COL25A1: variants seen among roughly 807,000 people sequenced by gnomAD.
COL25A1 encodes collagen alpha-1(XXV) chain.
Under a neutral mutation model 128.4 loss-of-function variants are expected in COL25A1, and 103 were observed. The ratio of observed to expected loss-of-function variants is 0.80; its 90% CI spans 0.68 to 0.94. The LOEUF (loss-of-function observed/expected upper bound fraction) is 0.94, where lower values mean the gene tolerates loss of function less well. COL25A1 is among the 40% of genes least tolerant of loss of function. The pLI is 0.00. For synonymous variants in COL25A1, 279 were observed against 277.2 expected, an observed-to-expected ratio of 1.01 and a Z score of -0.06; for missense variants, 745 against 840.0, an observed-to-expected ratio of 0.89 and a Z score of 1.40.
chr4:109,064,123 G>C (rs530168910), intron 3 of COL25A1, among the ~76,000 whole-genome samples: 1 of 152,164 alleles, frequency 6.6e-6, no homozygotes, highest in South Asian at 2.1e-4. Flanking sequence ...TTATAGAATA[G>C]AAAATCGGTG....
chr4:109,186,239 A>G (rs867297305), intron 3 of COL25A1, among the ~76,000 whole-genome samples: 1 of 152,214 alleles, frequency 6.6e-6, no homozygotes, highest in African/African-American at 2.4e-5. Flanking sequence ...TCTTCTTGGT[A>G]AATTGAGAGA....
chr4:108,875,740 C>T (rs1253879714), intron 19 of COL25A1, among the ~76,000 whole-genome samples: 1 of 152,166 alleles, frequency 6.6e-6, no homozygotes, highest in African/African-American at 2.4e-5. Flanking sequence ...ATAAATCATG[C>T]TACTATAAAG....
intron 13 of COL25A1, among the ~76,000 whole-genome samples, chr4:108,901,566 T>C (rs1051757797): frequency 2.0e-5 from 3 of 152,136 alleles, no homozygotes; most frequent in Non-Finnish European, 2.9e-5. Flanking sequence ...AATAAATCAT[T>C]CTGTTCTCAC....
chr4:109,122,767 A>G (rs376369710), intron 3 of COL25A1, among the ~76,000 whole-genome samples: 5 of 152,234 alleles, frequency 3.3e-5, no homozygotes, highest in African/African-American at 1.2e-4. Flanking sequence ...GATATAACCA[A>G]AAGTATATTT....
At chr4:109,113,189 T>A (rs1388294050) in intron 3 of COL25A1, among the ~76,000 whole-genome samples, 1 of 152,082 alleles carries the variant, frequency 6.6e-6, no homozygotes, top group Non-Finnish European at 1.5e-5. Flanking sequence ...GGGAAAAAAA[T>A]GTCTCTCAAC....
chr4:109,149,716 A>G lies in COL25A1; in HGVS notation c.368-99537T>C, dbSNP rs568513209. On this transcript the variant is annotated intron_variant, in intron 3 of 37. Coordinates refer to ENST00000399132, the MANE Select transcript of COL25A1 (RefSeq NM_198721.4). ...ACAGTGCTACTTGTATTTTATTTGC[A>G]GCTTCTTTCTTAAACAATTGGAATG... 2.6e-5 allele frequency among the ~76,000 whole-genome samples: 4 copies of G among 152,312 alleles called. No individual in the cohort carries two copies. The South Asian group carries it at 8.3e-4, about 32-fold the overall frequency.
At chr4:109,108,778 C>G (rs1579392821) in intron 3 of COL25A1, among the ~76,000 whole-genome samples, 2 of 151,842 alleles carry the variant, frequency 1.3e-5, no homozygotes, top group Admixed American at 1.3e-4. Flanking sequence ...ATTTTTTTAG[C>G]AATAAAGTAT....
intron 11 of COL25A1, among the ~76,000 whole-genome samples, chr4:108,936,544 G>A (rs1185266548): frequency 1.3e-5 from 2 of 152,094 alleles, no homozygotes; most frequent in Non-Finnish European, 2.9e-5. Flanking sequence ...TCCAGCCTGG[G>A]TGACAGAGCA....
chr4:109,279,813 C>A lies in COL25A1; in HGVS notation c.367+20770G>T, dbSNP rs890127681. 1.4e-4 allele frequency among the ~76,000 whole-genome samples: 21 copies of A among 152,242 alleles called. 1 individual carries two copies. The South Asian group carries it at 4.4e-3, about 32-fold the overall frequency. ...TTTATTCTACTATGTATCTACATTT[C>A]CTTTTTCTCCAGCATCCTGGAGCTT... On this transcript the variant is annotated intron_variant, in intron 3 of 37. Coordinates refer to ENST00000399132, the MANE Select transcript of COL25A1 (RefSeq NM_198721.4).
At chr4:109,193,626 C>A (rs1314810925) in intron 3 of COL25A1, among the ~76,000 whole-genome samples, 1 of 152,142 alleles carries the variant, frequency 6.6e-6, no homozygotes, top group Admixed American at 6.6e-5. Context: ...GATTTCATCA[C>A]CACCTCTTCT....
In COL25A1 at chr4:108,835,843, T is replaced by C. The variant is rs183440457; in HGVS notation, c.1657-3410A>G. Among the ~76,000 whole-genome samples the C allele has an allele frequency of 7.0e-3, 996 of 142,308 alleles. 9 individuals are homozygous for C. Among genetic ancestry groups the C allele is most frequent in the African/African-American group, 0.024 (953 of 39,384 alleles). The allele number at this position is 142,308 out of a possible 152,430, so 93.4% of individuals were successfully genotyped here. On this transcript the variant is annotated intron_variant, in intron 31 of 37. Transcript: ENST00000399132. ...CTGGGATTACAGGTGTGAGCCACAG[T>C]GCCCGGCTTACATACGTCTTTTTTT...
intron 5 of COL25A1, among the ~76,000 whole-genome samples, chr4:109,030,908 T>C (rs1161048596): frequency 6.6e-6 from 1 of 151,540 alleles, no homozygotes; most frequent in African/African-American, 2.4e-5. Context: ...CTGGCTAACG[T>C]TTTGTATTTG....
At chr4:108,862,616 A>G in intron 21 of COL25A1, 71 bp from the exon 22 acceptor site, 2 of 1,283,296 alleles carry the variant, frequency 1.6e-6, no homozygotes, top group Non-Finnish European at 2.3e-6. Context: ...AATAGAAATT[A>G]GCAGTGACTC....
intron 6 of COL25A1, among the ~76,000 whole-genome samples, chr4:109,006,968 T>C (rs540237786): frequency 4.6e-5 from 7 of 152,170 alleles, no homozygotes; most frequent in Non-Finnish European, 1.0e-4. Context: ...GCTTAATACC[T>C]GGGTGATCAG....
chr4:109,061,319 T>C (rs1307537909), intron 3 of COL25A1, among the ~76,000 whole-genome samples: 1 of 152,226 alleles, frequency 6.6e-6, no homozygotes, highest in African/African-American at 2.4e-5. Context: ...ATAGAAATTC[T>C]GCCTTCTTCA....
intron 3 of COL25A1, among the ~76,000 whole-genome samples, chr4:109,128,361 T>G (rs1316868794): frequency 6.6e-6 from 1 of 152,228 alleles, no homozygotes. Flanking sequence ...CATTCTTTTC[T>G]GCCAATCTCA....
At chr4:109,015,359 G>A (rs1271555207) in intron 5 of COL25A1, among the ~76,000 whole-genome samples, 1 of 152,194 alleles carries the variant, frequency 6.6e-6, no homozygotes, top group East Asian at 1.9e-4. Flanking sequence ...ACCTGAATGA[G>A]TAGTTGTAAA....
At chr4:109,280,416 AT>A (rs1267891268) in intron 3 of COL25A1, among the ~76,000 whole-genome samples, 1 of 152,246 alleles carries the variant, frequency 6.6e-6, no homozygotes, top group East Asian at 1.9e-4. Flanking sequence ...GACAAGTGAA[AT>A]AACACCATGC....
intron 3 of COL25A1, among the ~76,000 whole-genome samples, chr4:109,273,946 C>T (rs1782370166): frequency 6.6e-6 from 1 of 152,054 alleles, no homozygotes; most frequent in African/African-American, 2.4e-5. Context: ...GTTGTTACTG[C>T]CCTTTCATAG....
Sources: allele counts gnomAD v4.1 joint callset (sites outside exome capture counted in the v4.1 genomes callset), GRCh38; gene constraint gnomAD v4.1.1; transcripts MANE v1.5; gene names NCBI Gene and HGNC (gene_info 2026-07-23, HGNC 2026-07-21).